The following WWC2 variants were observed in gnomAD, a reference collection of about 807,000 sequenced individuals.
WWC2 encodes WW and C2 domain containing 2, also known as protein WWC2.
WWC2 carries 101 observed loss-of-function variants against 138.5 expected under a neutral mutation model. The ratio of observed to expected loss-of-function variants is 0.73; its 90% CI spans 0.62 to 0.86. WWC2 has a LOEUF of 0.86. Among genes scored for constraint, WWC2 ranks in the 40% least tolerant of loss-of-function variants. The probability of loss-of-function intolerance (pLI) is 0.00; values close to 1 mark genes in which losing one functional copy is unlikely to be tolerated. For missense variants in WWC2, 1,420 were observed against 1,419.4 expected (o/e 1.00, Z -0.01); for synonymous variants, 558 against 538.4 (o/e 1.04, Z -0.50).
chr4:183,202,800 C>G (rs1735338701), intron 2 of WWC2, among the ~76,000 whole-genome samples: 1 of 152,100 alleles, frequency 6.6e-6, no homozygotes, highest in South Asian at 2.1e-4. Flanking sequence ...AGCCTTAGTT[C>G]TAGACACAGA....
chr4:183,292,243 C>T (rs1196849953), intron 21 of WWC2, among the ~76,000 whole-genome samples: 2 of 151,752 alleles, frequency 1.3e-5, no homozygotes, highest in Non-Finnish European at 2.9e-5. Context: ...TGCATACACA[C>T]AAACACACAG....
Position 183,289,539 on chromosome 4 carries a change from G to A in WWC2, c.3288G>A (p.Lys1096=). Residue 1096 remains lysine (K), a synonymous_variant, in exon 21 of 23, where the codon AAG becomes AAA. Coordinates refer to ENST00000403733, the MANE Select transcript of WWC2 (RefSeq NM_024949.6). Reference sequence around the variant, plus strand: ...AGGCGCTGAGGGACTTGCGGCAGAAGCTGGAGGAACTGAAAGCTCAGGGAG... The same window carrying A: ...AGGCGCTGAGGGACTTGCGGCAGAAACTGGAGGAACTGAAAGCTCAGGGAG... ...ELQALRDLRQ[K]LEELKAQGET... The A allele has an allele frequency of 6.2e-7, 1 of 1,614,010 alleles. No individual in the cohort carries two copies. Among genetic ancestry groups the A allele is most frequent in the Non-Finnish European group, 8.5e-7 (1 of 1,179,888 alleles).
At chr4:183,109,325 T>G (rs1302813689) in intron 1 of WWC2, among the ~76,000 whole-genome samples, 2 of 152,244 alleles carry the variant, frequency 1.3e-5, no homozygotes, top group African/African-American at 4.8e-5. Context: ...ATAGCAATAT[T>G]TTTAAATGTT....
intron 1 of WWC2, among the ~76,000 whole-genome samples, chr4:183,151,020 T>G (rs2111116400): frequency 6.6e-6 from 1 of 152,248 alleles, no homozygotes; most frequent in East Asian, 1.9e-4. Flanking sequence ...TGTCTTTATA[T>G]TAGCATGATT....
chr4:183,259,210 T>C (rs972128982), intron 9 of WWC2, among the ~76,000 whole-genome samples: 4 of 152,218 alleles, frequency 2.6e-5, no homozygotes, highest in Non-Finnish European at 4.4e-5. Flanking sequence ...CAAGCGTTAC[T>C]AAATTCGGTA....
At position 183,105,557 on chromosome 4, in the gene WWC2, T is replaced by C. The variant is rs78442116; in HGVS notation, c.131+5935T>C. Among the ~76,000 whole-genome samples, 616 of 152,324 alleles carry C rather than the reference T, an allele frequency of 4.0e-3. 16 individuals are homozygous for C. In the East Asian group the frequency reaches 0.083, roughly 20 times the overall value. On this transcript the variant is annotated intron_variant, in intron 1 of 22. Coordinates refer to ENST00000403733, the MANE Select transcript of WWC2 (RefSeq NM_024949.6). ...GAGTCTGTATGTATGCCCTGGTTCC[T>C]ATGAACTTGATTGAAATTGGTTAAA...
At chr4:183,122,347 A>T (rs72691692) in intron 1 of WWC2, among the ~76,000 whole-genome samples, 8,152 of 152,198 alleles carry the variant, frequency 0.054, 330 homozygotes, top group African/African-American at 0.11. Flanking sequence ...ATCAACAAGG[A>T]GATACAGATT....
At chr4:183,257,767 C>T (rs1051914236) in intron 9 of WWC2, among the ~76,000 whole-genome samples, 10 of 152,126 alleles carry the variant, frequency 6.6e-5, no homozygotes, top group African/African-American at 2.4e-4. Context: ...GTGCCTCTCC[C>T]CAGTGCCTTC....
chr4:183,253,663 G>C (rs1737045626), intron 8 of WWC2, 94 bp from the exon 9 acceptor site: 1 of 1,467,614 alleles, frequency 6.8e-7, no homozygotes, highest in African/African-American at 1.4e-5. Context: ...GGAAAATCTG[G>C]ACAGCATGTC....
At chr4:183,161,105 A>G (rs1733950535) in intron 1 of WWC2, among the ~76,000 whole-genome samples, 1 of 151,922 alleles carries the variant, frequency 6.6e-6, no homozygotes, top group Non-Finnish European at 1.5e-5. Flanking sequence ...ATCATGGGTT[A>G]CAGTACCATT....
chr4:183,118,797 A>AGTAG (rs1732505162), intron 1 of WWC2, among the ~76,000 whole-genome samples: 3 of 152,166 alleles, frequency 2.0e-5, no homozygotes, highest in African/African-American at 7.2e-5. Context: ...GGCTGCAGCC[A>AGTAG]AGTAGCCAAG....
At chr4:183,110,222 T>A (rs1244132675) in intron 1 of WWC2, among the ~76,000 whole-genome samples, 1 of 152,172 alleles carries the variant, frequency 6.6e-6, no homozygotes, top group Non-Finnish European at 1.5e-5. Context: ...GCAAAATGAA[T>A]TTTTGGAAGT....
At chr4:183,153,750 A>G (rs1032653773) in intron 1 of WWC2, among the ~76,000 whole-genome samples, 1 of 147,860 alleles carries the variant, frequency 6.8e-6, no homozygotes, top group Non-Finnish European at 1.5e-5. Flanking sequence ...GGCTCAAGTG[A>G]TCTTCCGACC....
intron 21 of WWC2, among the ~76,000 whole-genome samples, chr4:183,290,314 A>G (rs1292872696): frequency 6.6e-6 from 1 of 152,134 alleles, no homozygotes; most frequent in Non-Finnish European, 1.5e-5. Context: ...CAGGAGTTCA[A>G]GACCAGCCTG....
intron 2 of WWC2, among the ~76,000 whole-genome samples, chr4:183,204,140 T>A (rs1231452486): frequency 6.6e-6 from 1 of 152,180 alleles, no homozygotes; most frequent in Admixed American, 6.5e-5. Flanking sequence ...TCCACATGAT[T>A]GTGGTGGCTC....
chr4:183,295,172 C>T (rs1388195003), intron 21 of WWC2, among the ~76,000 whole-genome samples: 6 of 152,214 alleles, frequency 3.9e-5, no homozygotes, highest in East Asian at 1.9e-4. Flanking sequence ...TCCTTCCTCT[C>T]GAACTCCTAT....
intron 1 of WWC2, among the ~76,000 whole-genome samples, chr4:183,156,945 A>C (rs1489543328): frequency 6.6e-6 from 1 of 152,130 alleles, no homozygotes; most frequent in Non-Finnish European, 1.5e-5. Flanking sequence ...CGTACTCATT[A>C]ATTTTTGTTC....
chr4:183,269,189 C>T (rs947573629), intron 15 of WWC2, 26 bp downstream of exon 15: 3 of 1,519,064 alleles, frequency 2.0e-6, no homozygotes, highest in Non-Finnish European at 2.6e-6. Context: ...ATTCCCATTA[C>T]CAAATAGCAC....
At chr4:183,278,960 T>C (rs1430165520) in intron 16 of WWC2, among the ~76,000 whole-genome samples, 1 of 151,630 alleles carries the variant, frequency 6.6e-6, no homozygotes, top group Non-Finnish European at 1.5e-5. Flanking sequence ...CCTAATTGAA[T>C]ACCCTTTATT....
Sources: allele counts gnomAD v4.1 joint callset (sites outside exome capture counted in the v4.1 genomes callset), GRCh38; gene constraint gnomAD v4.1.1; transcripts MANE v1.5; gene names NCBI Gene and HGNC (gene_info 2026-07-23, HGNC 2026-07-21).